FABP6: variants seen among roughly 807,000 people sequenced by gnomAD.
The protein encoded by FABP6 is fatty acid binding protein 6.
FABP6 carries 13 observed loss-of-function variants against 14.9 expected under a neutral mutation model. That is an observed-to-expected ratio of 0.87 (90% confidence interval 0.57 to 1.39). The LOEUF is 1.39. Among genes scored for constraint, FABP6 ranks in the 40% most tolerant of loss-of-function variants. The pLI is 0.00. For synonymous variants in FABP6, 75 were observed against 63.6 expected, an observed-to-expected ratio of 1.18 and a Z score of -0.85; for missense variants, 161 against 167.2, an observed-to-expected ratio of 0.96 and a Z score of 0.20.
intron 1 of FABP6, among the ~76,000 whole-genome samples, chr5:160,196,303 G>A (rs1471918171): frequency 6.6e-6 from 1 of 152,224 alleles, no homozygotes; most frequent in Non-Finnish European, 1.5e-5. Context: ...GGTTGAGAAG[G>A]CGGTGACAAC....
chr5:160,210,262 C>A (rs1759859407), intron 2 of FABP6, among the ~76,000 whole-genome samples: 1 of 152,198 alleles, frequency 6.6e-6, no homozygotes, highest in South Asian at 2.1e-4. Context: ...CCAGTGATGA[C>A]CTTGGGAGCC....
chr5:160,213,146 C>T (rs1359470368), intron 2 of FABP6, among the ~76,000 whole-genome samples: 1 of 152,176 alleles, frequency 6.6e-6, no homozygotes, highest in African/African-American at 2.4e-5. Context: ...TTGGTGGGAT[C>T]AAGCATCTGT....
chr5:160,228,933 C>T (rs369966585), upstream of FABP6, among the ~76,000 whole-genome samples: 7 of 152,294 alleles, frequency 4.6e-5, no homozygotes, highest in Admixed American at 1.3e-4. Context: ...TCCTCCAAGA[C>T]GGGTGCCAAA....
chr5:160,205,547 G>A (rs1759744941), intron 2 of FABP6, among the ~76,000 whole-genome samples: 1 of 152,170 alleles, frequency 6.6e-6, no homozygotes, highest in African/African-American at 2.4e-5. Context: ...CCTGCTCCAG[G>A]AGAGGGACCT....
At chr5:160,233,935 T>A (rs1369697044) in intron 2 of FABP6, among the ~76,000 whole-genome samples, 4 of 151,742 alleles carry the variant, frequency 2.6e-5, no homozygotes, top group African/African-American at 9.7e-5. Flanking sequence ...GTAATGTGTC[T>A]AGGGCCTTGC....
chr5:160,188,982 TTTTC>T (rs950065487), intron 1 of FABP6, among the ~76,000 whole-genome samples: 4 of 152,152 alleles, frequency 2.6e-5, no homozygotes, highest in African/African-American at 4.8e-5. Context: ...CTTTTTTTGT[TTTTC>T]TTTATTTTCC....
intron 1 of FABP6, chr5:160,198,924 C>A: frequency 1.6e-6 from 1 of 622,746 alleles, no homozygotes; most frequent in Non-Finnish European, 2.8e-6. Context: ...TCTTCTGTAT[C>A]TCCAGGGCCC....
At chr5:160,233,084 C>T (rs556649266) in intron 2 of FABP6, among the ~76,000 whole-genome samples, 4 of 150,128 alleles carry the variant, frequency 2.7e-5, no homozygotes, top group African/African-American at 4.9e-5. Flanking sequence ...TGGGTTCAAG[C>T]GATTCTCCTG....
rs529258103 is a variant in FABP6, at chr5:160,206,919, G to A, written c.52-6817G>A. ...TTAGAGTGTTTCCACCTTCAAAGGCGAAAAAAACCTTACTCTCACCTACCC... is the reference window on the plus strand; with the variant it reads ...TTAGAGTGTTTCCACCTTCAAAGGCAAAAAAAACCTTACTCTCACCTACCC... On this transcript the variant is annotated intron_variant, in intron 2 of 6. Coordinates refer to the FABP6 transcript ENST00000393980. 4.6e-5 allele frequency among the ~76,000 whole-genome samples: 7 copies of A among 152,212 alleles called. No individual in the cohort carries two copies. The South Asian group carries it at 6.2e-4, about 14-fold the overall frequency.
Position 160,204,087 on chromosome 5 carries a change from C to A in FABP6, c.51+4930C>A, listed in dbSNP as rs573091325. Among the ~76,000 whole-genome samples, 3 of 150,066 alleles carry A rather than the reference C, an allele frequency of 2.0e-5. No homozygotes were observed. In the East Asian group the frequency reaches 5.9e-4, roughly 30 times the overall value. On this transcript the variant is annotated intron_variant, in intron 2 of 6. Coordinates refer to the FABP6 transcript ENST00000393980. ...AGGCCAGGCAGAGGTTGCAGTGAGC[C>A]GAGACTGTGCCACCACACCCCAGCC...
chr5:160,215,323 G>A (rs1759987292), intron 3 of FABP6, among the ~76,000 whole-genome samples: 1 of 152,178 alleles, frequency 6.6e-6, no homozygotes, highest in African/African-American at 2.4e-5. Flanking sequence ...AGACCAGCCT[G>A]ACCAACATGG....
chr5:160,207,403 G>A (rs917490163), intron 2 of FABP6, among the ~76,000 whole-genome samples: 23 of 152,144 alleles, frequency 1.5e-4, no homozygotes, highest in Non-Finnish European at 1.5e-4. Flanking sequence ...TCTGGCTTTT[G>A]TATGGGGTTA....
chr5:160,200,816 C>T (rs1326000472), intron 2 of FABP6, among the ~76,000 whole-genome samples: 1 of 150,374 alleles, frequency 6.7e-6, no homozygotes. Context: ...TTCCTCCTGG[C>T]CTGGCCACAC....
intron 2 of FABP6, among the ~76,000 whole-genome samples, chr5:160,208,976 C>T (rs1276751963): frequency 6.6e-6 from 1 of 151,806 alleles, no homozygotes; most frequent in Non-Finnish European, 1.5e-5. Context: ...CGGGGTTTCA[C>T]CATGTTGGCC....
At chr5:160,225,643 A>G (rs1404115920), upstream of FABP6, among the ~76,000 whole-genome samples, 2 of 149,774 alleles carry the variant, frequency 1.3e-5, no homozygotes, top group Non-Finnish European at 3.0e-5. Flanking sequence ...TTTGTGATCC[A>G]CCTGCCTCAG....
intron 2 of FABP6, among the ~76,000 whole-genome samples, chr5:160,202,519 G>A (rs891989413): frequency 2.0e-5 from 3 of 152,174 alleles, no homozygotes; most frequent in African/African-American, 4.8e-5. Flanking sequence ...TGGCTTGGCC[G>A]GGCGTGGTGG....
intron 3 of FABP6, among the ~76,000 whole-genome samples, chr5:160,237,466 C>T (rs902856665): frequency 1.4e-4 from 22 of 152,110 alleles, no homozygotes; most frequent in Admixed American, 2.0e-4. Flanking sequence ...AATCCCCCAT[C>T]TCTAGAGGCC....
At chr5:160,230,815 C>A (rs1285701805) in intron 1 of FABP6, among the ~76,000 whole-genome samples, 3 of 152,200 alleles carry the variant, frequency 2.0e-5, no homozygotes, top group Non-Finnish European at 2.9e-5. Flanking sequence ...GGAGAGGAAA[C>A]CAAAGGGTTA....
At chr5:160,223,141 C>T (rs1760163986) in intron 3 of FABP6, among the ~76,000 whole-genome samples, 1 of 152,124 alleles carries the variant, frequency 6.6e-6, no homozygotes, top group Admixed American at 6.6e-5. Context: ...TTTGTGGCAA[C>T]CCCATGTGGA....
Sources: gnomAD v4.1 joint callset for allele counts (sites outside exome capture counted in the v4.1 genomes callset) on GRCh38, gnomAD v4.1.1 for gene constraint, MANE v1.5 for transcripts, NCBI Gene and HGNC (gene_info 2026-07-23, HGNC 2026-07-21) for gene names.